The following BTBD7 variants were observed in gnomAD, a reference collection of about 807,000 sequenced individuals.
BTBD7 encodes BTB/POZ domain-containing protein 7.
BTBD7 carries 38 observed loss-of-function variants against 99.9 expected under a neutral mutation model. The observed-to-expected ratio is 0.38, with a 90% CI of 0.29 to 0.50. The LOEUF (loss-of-function observed/expected upper bound fraction) is 0.50, where lower values mean the gene tolerates loss of function less well. Among genes scored for constraint, BTBD7 ranks in the 20% least tolerant of loss-of-function variants. The probability of loss-of-function intolerance (pLI) is 0.93; values close to 1 mark genes in which losing one functional copy is unlikely to be tolerated. For missense variants in BTBD7, 1,170 were observed against 1,394.6 expected, an observed-to-expected ratio of 0.84 and a Z score of 2.57; for synonymous variants, 520 against 511.4, an observed-to-expected ratio of 1.02 and a Z score of -0.23.
intron 1 of BTBD7, among the ~76,000 whole-genome samples, chr14:93,298,890 A>T (rs1424752167): frequency 6.6e-6 from 1 of 152,214 alleles, no homozygotes; most frequent in Non-Finnish European, 1.5e-5. Flanking sequence ...ATGTTTGGCC[A>T]TTTGCTGCTA....
At chr14:93,300,735 T>C in intron 1 of BTBD7, among the ~76,000 whole-genome samples, 1 of 85,476 alleles carries the variant, frequency 1.2e-5, no homozygotes, top group Non-Finnish European at 2.2e-5. Context: ...TGTGTGTGTG[T>C]GTGTGTGTGT....
intron 1 of BTBD7, among the ~76,000 whole-genome samples, chr14:93,318,327 T>C (rs1279935995): frequency 6.6e-6 from 1 of 152,196 alleles, no homozygotes; most frequent in Non-Finnish European, 1.5e-5. Context: ...AAAGTGGTTA[T>C]GATTGGGAAG....
intron 3 of BTBD7, among the ~76,000 whole-genome samples, chr14:93,278,797 C>G (rs2052684956): frequency 6.6e-6 from 1 of 152,120 alleles, no homozygotes. Context: ...AAGTTTCTGT[C>G]CCTTTTAATA....
Position 93,252,563 on chromosome 14 carries a change from C to T in BTBD7, c.1753-911G>A, listed in dbSNP as rs183487414. ...AATTTATCTTTATTTTTTGTAGAGA[C>T]AGGGTCTCACTAGGTTGCCCAGGCT... On this transcript the variant is annotated intron_variant, in intron 7 of 10. Transcript: ENST00000334746. 2.7e-3 allele frequency among the ~76,000 whole-genome samples: 411 copies of T among 151,230 alleles called. 2 individuals are homozygous for T. The highest frequency in any genetic ancestry group is 9.5e-3 in the African/African-American group (390 of 41,236).
intron 1 of BTBD7, among the ~76,000 whole-genome samples, chr14:93,312,985 ATATAAC>A (rs1224233824): frequency 7.2e-5 from 11 of 152,220 alleles, no homozygotes; most frequent in Non-Finnish European, 1.5e-5. Context: ...ACTGTATACT[ATATAAC>A]TATCCCCAGG....
chr14:93,248,801 T>G (rs1452142397), intron 8 of BTBD7, 147 bp from the exon 9 acceptor site: 1 of 755,564 alleles, frequency 1.3e-6, no homozygotes, highest in Non-Finnish European at 2.0e-6. Flanking sequence ...ACACATTCAT[T>G]TATATATCTC....
intron 3 of BTBD7, among the ~76,000 whole-genome samples, chr14:93,269,407 G>A (rs1216755015): frequency 2.0e-5 from 3 of 152,142 alleles, no homozygotes; most frequent in Non-Finnish European, 4.4e-5. Context: ...CACATCCTTG[G>A]TAATGGACAA....
chr14:93,302,568 C>T (rs978315524), intron 1 of BTBD7, among the ~76,000 whole-genome samples: 11 of 152,134 alleles, frequency 7.2e-5, no homozygotes, highest in Middle Eastern at 3.4e-3. Context: ...AATAAAGGGC[C>T]GGGAGCGATG....
intron 4 of BTBD7, among the ~76,000 whole-genome samples, chr14:93,263,398 T>G (rs2052509873): frequency 1.3e-5 from 2 of 152,224 alleles, no homozygotes; most frequent in South Asian, 4.1e-4. Context: ...TATTTTTACT[T>G]TGTGCTGCTG....
chr14:93,288,934 C>A (rs1201588594), intron 3 of BTBD7, among the ~76,000 whole-genome samples: 1 of 152,142 alleles, frequency 6.6e-6, no homozygotes, highest in Admixed American at 6.5e-5. Context: ...AGATTTCAAC[C>A]CTGTGCCACA....
chr14:93,263,792 T>C lies in BTBD7; in HGVS notation c.1364A>G (p.Tyr455Cys), dbSNP rs1404354592. ...DHLLTAIQSD[Y>C]LQASEQDILK... Reference sequence around the variant, plus strand: ...AGGTGTTTAAATGATTACCTGTAGGTAGTCAGACTGGATAGCAGTAAGCAG... The same window carrying C: ...AGGTGTTTAAATGATTACCTGTAGGCAGTCAGACTGGATAGCAGTAAGCAG... Residue 455 changes from tyrosine (Y) to cysteine (C), a missense_variant, in exon 4 of 11, where the codon TAC (tyrosine) becomes TGC (cysteine). This residue lies in a region of BTBD7 where 309 missense variants were observed against 342.0 expected (regional missense o/e 0.90). Transcript: ENST00000334746. 1 of 1,613,588 alleles carries C rather than the reference T, an allele frequency of 6.2e-7. No homozygotes were observed. The highest frequency in any genetic ancestry group is 8.5e-7 in the Non-Finnish European group (1 of 1,179,500).
At chr14:93,330,608 A>C (rs550349976) in intron 1 of BTBD7, among the ~76,000 whole-genome samples, 1 of 152,332 alleles carries the variant, frequency 6.6e-6, no homozygotes, top group East Asian at 1.9e-4. Context: ...CTATATGTTA[A>C]TGGCAAAAAC....
At chr14:93,274,343 A>G (rs1643639665) in intron 3 of BTBD7, among the ~76,000 whole-genome samples, 1 of 152,212 alleles carries the variant, frequency 6.6e-6, no homozygotes, top group African/African-American at 2.4e-5. Context: ...ACCCTGCCTC[A>G]GCAGTACCTT....
intron 1 of BTBD7, among the ~76,000 whole-genome samples, chr14:93,330,328 CCTT>C (rs1295911888): frequency 2.0e-5 from 3 of 152,174 alleles, no homozygotes; most frequent in Admixed American, 1.3e-4. Context: ...ATCCTAGTCT[CCTT>C]CTATTTCCCT....
Position 93,242,098 on chromosome 14 carries a change from AC to A in BTBD7, c.*174del, listed in dbSNP as rs1316664627. On this transcript the variant is annotated 3_prime_UTR_variant, in exon 11 of 11. Transcript: ENST00000334746. ...ACAGATGCAACATTAAAAAAAAAAAACAAAACCTTCTTAGCATGCCATGTCT... is the reference window on the plus strand; with the variant it reads ...ACAGATGCAACATTAAAAAAAAAAAAAAAACCTTCTTAGCATGCCATGTCT... 5.4e-5 allele frequency: 32 copies of A among 590,746 alleles called. No individual in the cohort carries two copies. The highest frequency in any genetic ancestry group is 2.9e-4 in the South Asian group (10 of 34,026). 36.6% of individuals were successfully genotyped at this position (590,746 alleles called of 1,614,324 possible).
chr14:93,325,787 G>A (rs2053324264), intron 1 of BTBD7, among the ~76,000 whole-genome samples: 1 of 152,082 alleles, frequency 6.6e-6, no homozygotes, highest in African/African-American at 2.4e-5. Context: ...CTCTAAAAGG[G>A]AACTATTTTG....
intron 3 of BTBD7, among the ~76,000 whole-genome samples, chr14:93,289,909 T>C (rs935660958): frequency 7.1e-6 from 1 of 141,566 alleles, no homozygotes; most frequent in Non-Finnish European, 1.5e-5. Flanking sequence ...AGGCTTGGAG[T>C]GCAGTGCTGT....
chr14:93,261,463 ATTTTGCTGGTGGTAAAAACTTC>A, intron 5 of BTBD7, 117 bp downstream of exon 5: 3 of 728,218 alleles, frequency 4.1e-6, no homozygotes, highest in Non-Finnish European at 7.3e-6. Context: ...CCACTAAAGG[ATTTTGCTGGTGGTAAAAACTTC>A]CATTTTCACC....
intron 10 of BTBD7, among the ~76,000 whole-genome samples, chr14:93,244,557 G>A (rs991384725): frequency 6.6e-6 from 1 of 152,180 alleles, no homozygotes; most frequent in Non-Finnish European, 1.5e-5. Context: ...GCTGAGGCAG[G>A]AGGATTGCTT....
Sources: gnomAD v4.1 joint callset for allele counts (sites outside exome capture counted in the v4.1 genomes callset) on GRCh38, gnomAD v4.1.1 for gene constraint, gnomAD v4.1.1 regional missense constraint, MANE v1.5 for transcripts, NCBI Gene and HGNC (gene_info 2026-07-23, HGNC 2026-07-21) for gene names.